EYA3: variants seen among roughly 807,000 people sequenced by gnomAD.
The protein encoded by EYA3 is protein phosphatase EYA3.
Under a neutral mutation model 80.0 loss-of-function variants are expected in EYA3, and 39 were observed. That is an observed-to-expected ratio of 0.49 (90% CI 0.38 to 0.64). The LOEUF is 0.64. Ranked by LOEUF, EYA3 falls within the 30% of genes least tolerant of loss-of-function variation. The probability of loss-of-function intolerance (pLI) is 0.00; values close to 1 mark genes in which losing one functional copy is unlikely to be tolerated. For synonymous variants in EYA3, 206 were observed against 232.8 expected (o/e 0.88, Z 1.05); for missense variants, 523 against 676.1 (o/e 0.77, Z 2.51).
intron 1 of EYA3, among the ~76,000 whole-genome samples, chr1:28,080,742 G>A (rs1645392397): frequency 6.6e-6 from 1 of 151,796 alleles, no homozygotes; most frequent in Admixed American, 6.6e-5. Context: ...AGAGTTTGAT[G>A]GTTCTCTTTT....
At chr1:28,038,459 A>AAC (rs1553150920) in intron 5 of EYA3, among the ~76,000 whole-genome samples, 1 of 150,692 alleles carries the variant, frequency 6.6e-6, no homozygotes, top group African/African-American at 2.4e-5. Flanking sequence ...AAAAAAAAAA[A>AAC]AAAAACCGAA....
At chr1:27,980,099 T>A (rs1208911366) in intron 16 of EYA3, among the ~76,000 whole-genome samples, 1 of 152,218 alleles carries the variant, frequency 6.6e-6, no homozygotes, top group Non-Finnish European at 1.5e-5. Context: ...ACAATAGAAT[T>A]GTCATGCCTT....
At chr1:28,062,556 C>G (rs1644668482) in intron 1 of EYA3, among the ~76,000 whole-genome samples, 1 of 152,016 alleles carries the variant, frequency 6.6e-6, no homozygotes, top group African/African-American at 2.4e-5. Context: ...GTTCAACATA[C>G]TATGTACCCT....
chr1:27,974,294 G>T lies in EYA3; in HGVS notation c.*172C>A. 2.2e-6 allele frequency: 1 copy of T among 449,138 alleles called. No individual in the cohort carries two copies. The highest frequency in any genetic ancestry group is 4.1e-6 in the Non-Finnish European group (1 of 245,206). The allele number at this position is 449,138 out of a possible 1,614,324, so 27.8% of individuals were successfully genotyped here. ...GAGAGAGAGAGAGGCAGAGAGGGAG[G>T]GAGAGAGGAAGGGAGGGAGGGAGAG... On this transcript the variant is annotated 3_prime_UTR_variant, in exon 18 of 18. Coordinates refer to ENST00000373871, the MANE Select transcript of EYA3 (RefSeq NM_001990.4).
intron 12 of EYA3, chr1:27,998,300 C>T (rs1640596213): frequency 1.0e-6 from 1 of 985,508 alleles, no homozygotes. Flanking sequence ...GGCAGGAACA[C>T]ATTCAGGTCA....
At chr1:27,999,815 CTATG>C (rs1640705900) in intron 12 of EYA3, 141 bp downstream of exon 12, 2 of 497,780 alleles carry the variant, frequency 4.0e-6, no homozygotes, top group Non-Finnish European at 3.5e-6. Flanking sequence ...TTCTCTAAGA[CTATG>C]TATGTATGCC....
At chr1:28,003,205 G>T (rs1641011341) in intron 11 of EYA3, among the ~76,000 whole-genome samples, 1 of 151,912 alleles carries the variant, frequency 6.6e-6, no homozygotes, top group Non-Finnish European at 1.5e-5. Flanking sequence ...AGGAGGCACA[G>T]CTTGCAGTGA....
At chr1:28,081,168 G>C (rs1435804248) in intron 1 of EYA3, among the ~76,000 whole-genome samples, 3 of 152,114 alleles carry the variant, frequency 2.0e-5, no homozygotes, top group Non-Finnish European at 4.4e-5. Context: ...AGAATGTGAG[G>C]TACCTACAGT....
At position 28,058,068 on chromosome 1, in the gene EYA3, C is replaced by T. The variant is rs376605381; in HGVS notation, c.-42G>A. The T allele has an allele frequency of 1.1e-4, 169 of 1,521,296 alleles. No individual in the cohort carries two copies. The African/African-American group carries it at 2.0e-3, about 18-fold the overall frequency. The allele number at this position is 1,521,296 out of a possible 1,614,324, so 94.2% of individuals were successfully genotyped here. A position where few individuals can be genotyped will look rare whatever the true frequency, so the allele number is the denominator to read the frequency against. On this transcript the variant is annotated 5_prime_UTR_variant, in exon 2 of 18. Transcript: ENST00000373871. The stretch of plus-strand genomic sequence containing the variant: ...TTATTATACTTATGTGACTGGATTG[C>T]AAGTCTCTCTCAGCAGTTTTCACAA...
intron 1 of EYA3, among the ~76,000 whole-genome samples, chr1:28,063,055 T>C (rs962815186): frequency 1.3e-5 from 2 of 149,668 alleles, no homozygotes; most frequent in Non-Finnish European, 3.0e-5. Context: ...TTGTTTTCCA[T>C]GAAAACAAGG....
chr1:28,064,393 T>TAC (rs1644755602), intron 1 of EYA3, among the ~76,000 whole-genome samples: 2 of 129,200 alleles, frequency 1.5e-5, no homozygotes, highest in East Asian at 4.6e-4. Flanking sequence ...TATATATATA[T>TAC]AAATATATAG....
intron 10 of EYA3, among the ~76,000 whole-genome samples, chr1:28,005,992 C>T (rs538349356): frequency 6.6e-6 from 1 of 151,908 alleles, no homozygotes; most frequent in African/African-American, 2.4e-5. Context: ...GTAGTCCCAG[C>T]TACTTGGGAG....
chr1:28,044,082 T>C (rs770525426), intron 3 of EYA3, among the ~76,000 whole-genome samples: 33 of 152,214 alleles, frequency 2.2e-4, no homozygotes, highest in Non-Finnish European at 4.4e-4. Context: ...CAAGTCATTA[T>C]GTTAGATAGT....
rs186478913 is a variant in EYA3, at chr1:28,061,828, T to C, written c.-68-3734A>G. ...GTTAGCCAGGATGATCTCGATCTCC[T>C]GACCTCGTGATCCGCCCACCTCAGC... On this transcript the variant is annotated intron_variant, in intron 1 of 17. Transcript: ENST00000373871. Among the ~76,000 whole-genome samples, 1,044 of 152,258 alleles carry C rather than the reference T, an allele frequency of 6.9e-3. 5 individuals are homozygous for C. Among genetic ancestry groups the C allele is most frequent in the Non-Finnish European group, 0.01 (712 of 68,022 alleles).
intron 7 of EYA3, among the ~76,000 whole-genome samples, chr1:28,021,129 C>T (rs959750788): frequency 4.6e-5 from 7 of 152,088 alleles, no homozygotes; most frequent in African/African-American, 1.7e-4. Context: ...TAGTTTTTAC[C>T]CACCTCTCTA....
chr1:28,025,483 A>G (rs1029687762), intron 7 of EYA3, among the ~76,000 whole-genome samples: 1 of 152,210 alleles, frequency 6.6e-6, no homozygotes, highest in Non-Finnish European at 1.5e-5. Context: ...TACTGTGACT[A>G]TGGATAAGCT....
At chr1:28,057,679 A>T (rs1644480576) in intron 2 of EYA3, among the ~76,000 whole-genome samples, 1 of 152,082 alleles carries the variant, frequency 6.6e-6, no homozygotes, top group African/African-American at 2.4e-5. Flanking sequence ...ACAAAACTAA[A>T]TTTTCTGGTA....
At chr1:28,061,872 T>TA (rs1644641869) in intron 1 of EYA3, among the ~76,000 whole-genome samples, 1 of 152,084 alleles carries the variant, frequency 6.6e-6, no homozygotes, top group Non-Finnish European at 1.5e-5. Context: ...GTGCTGGCAT[T>TA]ACAGGTGTGA....
At chr1:27,978,250 T>C (rs1370261764) in intron 17 of EYA3, 124 bp downstream of exon 17, 1 of 668,994 alleles carries the variant, frequency 1.5e-6, no homozygotes, top group African/African-American at 1.8e-5. Flanking sequence ...TAAAGAAAAA[T>C]GGGAGAGGAA....
Sources: gnomAD v4.1 joint callset for allele counts (sites outside exome capture counted in the v4.1 genomes callset) on GRCh38, gnomAD v4.1.1 for gene constraint, MANE v1.5 for transcripts, NCBI Gene and HGNC (gene_info 2026-07-23, HGNC 2026-07-21) for gene names.